The following WDR88 variants were observed in gnomAD, a reference collection of about 807,000 sequenced individuals.
WDR88 encodes WD repeat domain 88, also known as WD repeat-containing protein 88.
WDR88 carries 40 observed loss-of-function variants against 46.8 expected under a neutral mutation model. The observed-to-expected ratio is 0.86, with a 90% CI of 0.66 to 1.11. The LOEUF is 1.11. WDR88 is among the 50% of genes most tolerant of loss of function. The pLI is 0.00. For synonymous variants in WDR88, 235 were observed against 240.7 expected, an observed-to-expected ratio of 0.98 and a Z score of 0.22; for missense variants, 562 against 602.4, an observed-to-expected ratio of 0.93 and a Z score of 0.70.
At chr19:33,143,809 C>T (rs1768681655) in intron 2 of WDR88, among the ~76,000 whole-genome samples, 1 of 152,012 alleles carries the variant, frequency 6.6e-6, no homozygotes, top group Non-Finnish European at 1.5e-5. Flanking sequence ...TTTTTCTTCT[C>T]CACGAACATC....
At chr19:33,175,332 T>C in intron 10 of WDR88, 64 bp from the exon 11 acceptor site, 1 of 1,524,862 alleles carries the variant, frequency 6.6e-7, no homozygotes, top group Non-Finnish European at 9.0e-7. Flanking sequence ...AGAATTCTAA[T>C]GGCATGCCTG....
At chr19:33,147,828 G>C in intron 4 of WDR88, 120 bp downstream of exon 4, 1 of 825,260 alleles carries the variant, frequency 1.2e-6, no homozygotes, top group Admixed American at 2.7e-5. Context: ...TTCTAGGAAG[G>C]AGGCATGTTC....
At chr19:33,142,400 A>G (rs1973414679) in intron 2 of WDR88, among the ~76,000 whole-genome samples, 1 of 151,702 alleles carries the variant, frequency 6.6e-6, no homozygotes, top group South Asian at 2.1e-4. Context: ...TGGAGGGAGG[A>G]GGGCTGGAAG....
At chr19:33,152,751 A>ATG (rs1973660693) in intron 6 of WDR88, among the ~76,000 whole-genome samples, 1 of 151,834 alleles carries the variant, frequency 6.6e-6, no homozygotes, top group African/African-American at 2.4e-5. Flanking sequence ...ACAGGCGCCC[A>ATG]CCACCACACC....
rs1453566068 is a variant in WDR88, at chr19:33,156,382, C to T, written c.837C>T (p.Cys279=). ...TKAHSNAISN[C]CFTFSGHFLC... ...CACATTCCAATGCAATCTCAAACTG[C>T]TGTTTTACCTTCAGTGGCCATTTCC... The change falls in exon 7 of 11, where the codon TGC becomes TGT. Residue 279 remains cysteine (C), a synonymous_variant. Transcript: ENST00000355868. 1.2e-6 allele frequency: 2 copies of T among 1,614,156 alleles called. No individual in the cohort carries two copies. Among genetic ancestry groups the T allele is most frequent in the South Asian group, 2.2e-5 (2 of 91,084 alleles).
rs1299272591 is a variant in WDR88, at chr19:33,167,128, C to G, written c.1149+2863C>G. Reference sequence around the variant, plus strand: ...CATGACAATAAAAGAAAATTACAGACCAATATCTCATATTAATATAGATGC... The same window carrying G: ...CATGACAATAAAAGAAAATTACAGAGCAATATCTCATATTAATATAGATGC... On this transcript the variant is annotated intron_variant, in intron 9 of 10. Transcript: ENST00000355868. Among the ~76,000 whole-genome samples, 10 of 151,968 alleles carry G rather than the reference C, an allele frequency of 6.6e-5. No homozygotes were observed. The South Asian group carries it at 2.1e-3, about 32-fold the overall frequency.
At position 33,147,675 on chromosome 19, in the gene WDR88, G is replaced by A; in HGVS notation, c.507G>A (p.Val169=). The A allele has an allele frequency of 6.2e-7, 1 of 1,614,056 alleles. No homozygotes were observed. The highest frequency in any genetic ancestry group is 8.5e-7 in the Non-Finnish European group (1 of 1,179,970). The change falls in exon 4 of 11, where the codon GTG becomes GTA. Residue 169 remains valine (V), a synonymous_variant. Coordinates refer to ENST00000355868, the MANE Select transcript of WDR88 (RefSeq NM_173479.4). ...RVIAASYDKT[V]RAWDLETGKL... ...TTGCCGCATCCTATGATAAGACAGT[G>A]AGGGCCTGGGACCTGGAGACAGGCA... is the stretch of plus-strand genomic sequence containing the variant.
intron 2 of WDR88, among the ~76,000 whole-genome samples, chr19:33,141,439 G>A (rs1019457390): frequency 1.3e-5 from 2 of 151,820 alleles, no homozygotes; most frequent in Non-Finnish European, 2.9e-5. Context: ...TGTGTTGCCC[G>A]GGCTGGTCTT....
rs745987290 is a variant in WDR88, at chr19:33,141,227, G to GTTTTTTTTTTTTTTTT, written c.387+3453_387+3454insTTTTTTTTTTTTTTTT. Among the ~76,000 whole-genome samples the GTTTTTTTTTTTTTTTT allele has an allele frequency of 2.2e-4, 25 of 113,396 alleles. 3 individuals are homozygous for GTTTTTTTTTTTTTTTT. The highest frequency in any genetic ancestry group is 9.0e-4 in the African/African-American group (22 of 24,460). 74.4% of individuals were successfully genotyped at this position (113,396 alleles called of 152,430 possible). On this transcript the variant is annotated intron_variant, in intron 2 of 10. Transcript: ENST00000355868. Reference sequence around the variant, plus strand: ...GCTGGGATTACAGGTGTGGGAGCATGTTTTTTTTTTTTTCTTTTTTGACAC... The same window carrying GTTTTTTTTTTTTTTTT: ...GCTGGGATTACAGGTGTGGGAGCATGTTTTTTTTTTTTTTTTTTTTTTTTTTTTTCTTTTTTGACAC...
intron 2 of WDR88, among the ~76,000 whole-genome samples, chr19:33,139,365 G>T (rs1478195994): frequency 6.6e-6 from 1 of 152,256 alleles, no homozygotes; most frequent in South Asian, 2.1e-4. Flanking sequence ...GAAGGCAGTG[G>T]CCATGAGGCC....
rs370395716 is a variant in WDR88 at position 33,160,508 on chromosome 19, C to G, written c.1080+12C>G. On this transcript the variant is annotated intron_variant, in intron 8 of 10. Transcript: ENST00000355868. ...AGCTCTCTTTGAAGGTACATGTGGC[C>G]AGCATGAGATTGAGGATCTGAACTT... The G allele has an allele frequency of 6.2e-7, 1 of 1,613,852 alleles. No homozygotes were observed. The highest frequency in any genetic ancestry group is 1.3e-5 in the African/African-American group (1 of 74,910).
chr19:33,169,964 G>A (rs912842483), intron 9 of WDR88, among the ~76,000 whole-genome samples: 3 of 151,738 alleles, frequency 2.0e-5, no homozygotes, highest in Non-Finnish European at 4.4e-5. Flanking sequence ...CGCAACCTCC[G>A]CCTCCCGGGT....
At chr19:33,173,295 C>T (rs1301280318) in intron 10 of WDR88, among the ~76,000 whole-genome samples, 3 of 152,070 alleles carry the variant, frequency 2.0e-5, no homozygotes, top group Non-Finnish European at 4.4e-5. Flanking sequence ...GCGTCAGCCT[C>T]CTACCCTGGG....
At chr19:33,167,760 T>A (rs181316887) in intron 9 of WDR88, among the ~76,000 whole-genome samples, 2 of 150,888 alleles carry the variant, frequency 1.3e-5, no homozygotes, top group Non-Finnish European at 3.0e-5. Flanking sequence ...TCTCCTCTCC[T>A]CCTCTCTCCT....
intron 3 of WDR88, 65 bp from the exon 4 acceptor site, chr19:33,147,580 G>A (rs1973544652): frequency 1.3e-6 from 2 of 1,536,276 alleles, no homozygotes; most frequent in African/African-American, 2.7e-5. Flanking sequence ...TCCAGCTGGG[G>A]CAACAGAAAG....
chr19:33,146,604 C>T (rs892725841), intron 3 of WDR88, among the ~76,000 whole-genome samples: 1 of 152,254 alleles, frequency 6.6e-6, no homozygotes, highest in East Asian at 1.9e-4. Flanking sequence ...CTGTAACCTC[C>T]GCCTCCTGGT....
At chr19:33,144,666 G>C (rs1308381432) in intron 2 of WDR88, among the ~76,000 whole-genome samples, 178 bp from the exon 3 acceptor site, 1 of 152,208 alleles carries the variant, frequency 6.6e-6, no homozygotes, top group Non-Finnish European at 1.5e-5. Context: ...TCCCGCTCAG[G>C]GGACGGACAT....
At chr19:33,162,239 C>T (rs1973880007) in intron 8 of WDR88, among the ~76,000 whole-genome samples, 1 of 151,952 alleles carries the variant, frequency 6.6e-6, no homozygotes, top group South Asian at 2.1e-4. Flanking sequence ...CTCGCTCTGT[C>T]GCCCAGGCTA....
Position 33,132,220 on chromosome 19 carries a change from G to A in WDR88, c.51G>A (p.Lys17=), listed in dbSNP as rs1973140035. The part of the protein sequence containing the change: ...CSPTAHDREC[K]LPPPSAPASE... Reference sequence around the variant, plus strand: ...CGACAGCCCATGACAGGGAATGCAAGTTGCCGCCACCCTCCGCCCCCGCCA... The same window carrying A: ...CGACAGCCCATGACAGGGAATGCAAATTGCCGCCACCCTCCGCCCCCGCCA... Residue 17 remains lysine, a synonymous_variant, in exon 1 of 11, where the codon AAG becomes AAA. Coordinates refer to ENST00000355868, the MANE Select transcript of WDR88 (RefSeq NM_173479.4). 1 of 1,609,512 alleles carries A rather than the reference G, an allele frequency of 6.2e-7. No homozygotes were observed. The highest frequency in any genetic ancestry group is 8.5e-7 in the Non-Finnish European group (1 of 1,179,686).
Sources: gnomAD v4.1 joint callset for allele counts (sites outside exome capture counted in the v4.1 genomes callset) on GRCh38, gnomAD v4.1.1 for gene constraint, MANE v1.5 for transcripts, NCBI Gene and HGNC (gene_info 2026-07-23, HGNC 2026-07-21) for gene names.